Variants in PRSS23 observed in about 807,000 individuals in gnomAD.
PRSS23 encodes serine protease 23, also known as protease, serine 23.
A neutral mutation model predicts 34.7 loss-of-function variants in PRSS23; 25 were observed. The ratio of observed to expected loss-of-function variants is 0.72; its 90% CI spans 0.53 to 1.01. The LOEUF is 1.01. PRSS23 is among the 50% of genes least tolerant of loss of function. The probability of loss-of-function intolerance (pLI) is 0.00; values close to 1 mark genes in which losing one functional copy is unlikely to be tolerated. For missense variants in PRSS23, 445 were observed against 475.6 expected (o/e 0.94, Z 0.60); for synonymous variants, 176 against 186.6 (o/e 0.94, Z 0.46).
Position 86,808,803 on chromosome 11 carries a change from T to C in PRSS23, c.*8T>C, listed in dbSNP as rs1454911931. 1 of 1,593,092 alleles carries C rather than the reference T, an allele frequency of 6.3e-7. No homozygotes were observed. The highest frequency in any genetic ancestry group is 8.6e-7 in the Non-Finnish European group (1 of 1,167,908). On this transcript the variant is annotated 3_prime_UTR_variant, in exon 2 of 2. Coordinates refer to ENST00000280258, the MANE Select transcript of PRSS23 (RefSeq NM_007173.6). Reference sequence around the variant, plus strand: ...GATTGTAGGGAGGGGTGACACAGTGTTCCCTCCTGGCAGCAATTAAGGGTC... The same window carrying C: ...GATTGTAGGGAGGGGTGACACAGTGCTCCCTCCTGGCAGCAATTAAGGGTC...
chr11:86,942,746 A>G (rs1949214645), intron 2 of PRSS23, among the ~76,000 whole-genome samples: 1 of 152,236 alleles, frequency 6.6e-6, no homozygotes, highest in Non-Finnish European at 1.5e-5. Flanking sequence ...GGGTAATTCT[A>G]AGAATTTCAT....
intron 1 of PRSS23, among the ~76,000 whole-genome samples, chr11:86,804,004 T>G (rs116360288): frequency 0.012 from 1,825 of 152,242 alleles, 46 homozygotes; most frequent in African/African-American, 0.042. Context: ...GACACTATAG[T>G]CAGCATCGTC....
chr11:86,901,804 C>T (rs1028486793), intron 2 of PRSS23, among the ~76,000 whole-genome samples: 5 of 152,130 alleles, frequency 3.3e-5, no homozygotes, highest in African/African-American at 9.7e-5. Context: ...TCCTGAGAAG[C>T]CCAGCTGTTC....
chr11:86,848,060 C>T (rs935345121), intron 2 of PRSS23, among the ~76,000 whole-genome samples: 20 of 152,190 alleles, frequency 1.3e-4, no homozygotes, highest in African/African-American at 4.6e-4. Context: ...CGAACTATGT[C>T]CCTTACAAAC....
At chr11:86,884,463 C>G (rs758428340) in intron 2 of PRSS23, among the ~76,000 whole-genome samples, 2 of 152,074 alleles carry the variant, frequency 1.3e-5, no homozygotes, top group Non-Finnish European at 2.9e-5. Flanking sequence ...CCAAACTCAA[C>G]TAATTTTTGT....
intron 2 of PRSS23, among the ~76,000 whole-genome samples, chr11:86,879,415 G>C (rs1398690435): frequency 1.3e-5 from 2 of 149,854 alleles, no homozygotes. Context: ...AGTGAGGAGT[G>C]TCTCTGCCTG....
chr11:86,944,037 C>T (rs187627503), intron 2 of PRSS23, among the ~76,000 whole-genome samples: 12 of 152,142 alleles, frequency 7.9e-5, no homozygotes, highest in African/African-American at 2.9e-4. Flanking sequence ...CACTGCGCCT[C>T]GCCCATAGGA....
rs187803957 is a variant in PRSS23 at position 86,803,467 on chromosome 11, A to G, written c.-14+2816A>G. Among the ~76,000 whole-genome samples the G allele has an allele frequency of 3.2e-4, 49 of 152,334 alleles. 2 individuals carry two copies. The highest frequency in any genetic ancestry group is 1.0e-3 in the African/African-American group (42 of 41,578). ...CTTACCCAGGGTTTATACAGATGGTAACAATAATTATTTGTCTTCTAAGGA... is the reference window on the plus strand; with the variant it reads ...CTTACCCAGGGTTTATACAGATGGTGACAATAATTATTTGTCTTCTAAGGA... On this transcript the variant is annotated intron_variant, in intron 1 of 1. Coordinates refer to ENST00000280258, the MANE Select transcript of PRSS23 (RefSeq NM_007173.6).
intron 2 of PRSS23, among the ~76,000 whole-genome samples, chr11:86,842,077 A>T (rs371217855): frequency 1.3e-5 from 2 of 152,222 alleles, no homozygotes; most frequent in African/African-American, 4.8e-5. Context: ...CAAAAAGCTT[A>T]TCCACCACTA....
In PRSS23 at chr11:86,853,242, C is replaced by CTTTT. The variant is rs561682096; in HGVS notation, c.206+29678_206+29681dup. Among the ~76,000 whole-genome samples the CTTTT allele has an allele frequency of 8.4e-4, 40 of 47,792 alleles. 11 individuals are homozygous for CTTTT. The highest frequency in any genetic ancestry group is 2.4e-3 in the African/African-American group (27 of 11,350). The allele number at this position is 47,792 out of a possible 152,430, so 31.4% of individuals were successfully genotyped here. ...TGCAGCCTGTGTCACAAGTGCCTGC[C>CTTTT]TTTTTTTTTTTTTTTTTTTTTTTTT... On this transcript the variant is annotated intron_variant, in intron 2 of 2. Transcript: ENST00000533902.
upstream of PRSS23, among the ~76,000 whole-genome samples, chr11:86,797,446 GTGGTGCAT>G (rs1947988527): frequency 6.6e-6 from 1 of 152,184 alleles, no homozygotes; most frequent in African/African-American, 2.4e-5. Flanking sequence ...ACAAAAGCTT[GTGGTGCAT>G]GTTCAAACCC....
intron 2 of PRSS23, among the ~76,000 whole-genome samples, chr11:86,835,860 A>G (rs530448183): frequency 2.6e-5 from 4 of 152,166 alleles, no homozygotes; most frequent in Non-Finnish European, 5.9e-5. Context: ...GGGCAGCTAA[A>G]AGTAAATCAT....
downstream of PRSS23, among the ~76,000 whole-genome samples, chr11:86,815,248 T>C (rs923473327): frequency 1.3e-5 from 2 of 152,190 alleles, no homozygotes; most frequent in African/African-American, 4.8e-5. Flanking sequence ...CCTCAGCCCC[T>C]TCCTCGGGGA....
intron 2 of PRSS23, among the ~76,000 whole-genome samples, chr11:86,879,217 G>A (rs1483569385): frequency 6.8e-6 from 1 of 148,030 alleles, no homozygotes; most frequent in African/African-American, 2.5e-5. Flanking sequence ...GAGATGTGGG[G>A]AGCGCCTCTG....
At chr11:86,905,400 G>A (rs757662672) in intron 2 of PRSS23, among the ~76,000 whole-genome samples, 2 of 152,126 alleles carry the variant, frequency 1.3e-5, no homozygotes, top group Admixed American at 6.5e-5. Context: ...CTCTTCCTAC[G>A]GCACATCATT....
chr11:86,880,451 T>TA (rs893799230), intron 2 of PRSS23, among the ~76,000 whole-genome samples: 41 of 150,598 alleles, frequency 2.7e-4, no homozygotes, highest in Non-Finnish European at 5.2e-4. Flanking sequence ...ATAAAAAAAA[T>TA]AAAAAAAATA....
chr11:86,826,765 C>G (rs1948304499), intron 2 of PRSS23, among the ~76,000 whole-genome samples: 2 of 152,110 alleles, frequency 1.3e-5, no homozygotes, highest in Non-Finnish European at 2.9e-5. Flanking sequence ...TGATTTTTGT[C>G]TTTGGTTCTG....
chr11:86,898,280 G>C (rs938853649), intron 2 of PRSS23, among the ~76,000 whole-genome samples: 1 of 152,100 alleles, frequency 6.6e-6, no homozygotes, highest in Admixed American at 6.5e-5. Context: ...AGTGAAGAAG[G>C]CCCCTAAAAC....
chr11:86,856,481 C>T (rs1180171695), intron 2 of PRSS23, among the ~76,000 whole-genome samples: 1 of 152,156 alleles, frequency 6.6e-6, no homozygotes. Flanking sequence ...TACACATAAC[C>T]TGCCTAAATA....
Sources: allele counts gnomAD v4.1 joint callset (sites outside exome capture counted in the v4.1 genomes callset), GRCh38; gene constraint gnomAD v4.1.1; transcripts MANE v1.5; gene names NCBI Gene and HGNC (gene_info 2026-07-23, HGNC 2026-07-21).